Variants in TSGA10IP observed in about 807,000 individuals in gnomAD.
TSGA10IP encodes testis-specific protein 10-interacting protein.
A neutral mutation model predicts 63.2 loss-of-function variants in TSGA10IP; 64 were observed. The ratio of observed to expected loss-of-function variants is 1.01; its 90% confidence interval spans 0.83 to 1.25. The LOEUF is 1.25. Ranked by LOEUF, TSGA10IP falls within the 50% of genes most tolerant of loss-of-function variation. TSGA10IP has a pLI of 0.00. For missense variants in TSGA10IP, 681 were observed against 710.1 expected (o/e 0.96, Z 0.47); for synonymous variants, 316 against 298.3 (o/e 1.06, Z -0.61).
intron 3 of TSGA10IP, 83 bp downstream of exon 3, chr11:65,947,911 C>T (rs1258956327): frequency 1.3e-6 from 2 of 1,507,192 alleles, no homozygotes; most frequent in Non-Finnish European, 8.9e-7. Flanking sequence ...GGGGCTCAGG[C>T]AGGCTGGGCT....
intron 2 of TSGA10IP, 35 bp downstream of exon 2, chr11:65,947,051 G>A: frequency 6.2e-7 from 1 of 1,612,434 alleles, no homozygotes; most frequent in Non-Finnish European, 8.5e-7. Flanking sequence ...GAGGCTGTTG[G>A]GGGTCAGGGC....
rs770922079 is a variant in TSGA10IP at position 65,945,803 on chromosome 11, C to T, written c.128C>T (p.Thr43Ile). The change falls in exon 1 of 8, where the codon ACC becomes ATC. Residue 43 changes from threonine (T) to isoleucine (I), a missense_variant. Coordinates refer to ENST00000532620, the Ensembl canonical transcript of TSGA10IP. ...ACGGGGCTGCTCAAGCTGCTGTCGA[C>T]CGTCTCTCAGGACAAGCAGGTGAGG... 6.2e-6 allele frequency: 10 copies of T among 1,613,816 alleles called. No homozygotes were observed. The Admixed American group carries it at 1.2e-4, about 19-fold the overall frequency.
chr11:65,953,321 G>A (rs557553396), intron 4 of TSGA10IP, among the ~76,000 whole-genome samples: 14 of 152,236 alleles, frequency 9.2e-5, no homozygotes, highest in South Asian at 8.3e-4. Context: ...ATGAACCACC[G>A]TGCCTGGCCT....
chr11:65,954,096 T>C (rs917660969), intron 5 of TSGA10IP, among the ~76,000 whole-genome samples: 4 of 152,048 alleles, frequency 2.6e-5, no homozygotes, highest in Non-Finnish European at 5.9e-5. Flanking sequence ...GACCCCACTC[T>C]GGGAGACAAC....
exon 1 of TSGA10IP, chr11:65,945,551 T>A: frequency 9.3e-7 from 1 of 1,078,770 alleles, no homozygotes; most frequent in South Asian, 1.6e-5. Context: ...GAGATTGGCC[T>A]CACATACCCC....
At chr11:65,947,354 G>T (rs763150312) in exon 3 of TSGA10IP, 1 of 1,611,942 alleles carries the variant, frequency 6.2e-7, no homozygotes, top group Admixed American at 1.7e-5. Flanking sequence ...GCAGCTGGGA[G>T]CCTGGGGCGG....
chr11:65,949,850 G>GTT (rs377116599), intron 4 of TSGA10IP, among the ~76,000 whole-genome samples: 20,631 of 101,716 alleles, frequency 0.2, 4,100 homozygotes, highest in East Asian at 0.36. Flanking sequence ...CATTACCTCG[G>GTT]TTTTTTTTTT....
chr11:65,955,938 T>C (rs1855016539), intron 5 of TSGA10IP, among the ~76,000 whole-genome samples: 1 of 152,112 alleles, frequency 6.6e-6, no homozygotes, highest in Non-Finnish European at 1.5e-5. Context: ...ATGACACATG[T>C]AACACAAATA....
Position 65,949,627 on chromosome 11 carries a change from G to C in TSGA10IP, c.1151+1479G>C, listed in dbSNP as rs367892522. 1.1e-3 allele frequency among the ~76,000 whole-genome samples: 173 copies of C among 152,020 alleles called. 4 individuals carry two copies. In the East Asian group the frequency reaches 0.025, roughly 22 times the overall value. Reference sequence around the variant, plus strand: ...AGACGGGGTTTTACTATGTTGGCCAGGCTGGTCTTGAACTCCTGACCTCGT... The same window carrying C: ...AGACGGGGTTTTACTATGTTGGCCACGCTGGTCTTGAACTCCTGACCTCGT... On this transcript the variant is annotated intron_variant, in intron 4 of 7. Transcript: ENST00000532620.
intron 5 of TSGA10IP, among the ~76,000 whole-genome samples, chr11:65,958,596 C>T (rs1855064253): frequency 6.6e-6 from 1 of 152,208 alleles, no homozygotes; most frequent in African/African-American, 2.4e-5. Context: ...GGGGCTGGCA[C>T]AGGAGGATGG....
chr11:65,953,789 T>C, intron 5 of TSGA10IP, 52 bp downstream of exon 5: 1 of 1,404,930 alleles, frequency 7.1e-7, no homozygotes, highest in South Asian at 1.5e-5. Flanking sequence ...AGGGAGGCCG[T>C]GTCAGGTCTC....
chr11:65,954,771 T>C (rs1192283393), intron 5 of TSGA10IP, among the ~76,000 whole-genome samples: 10 of 150,070 alleles, frequency 6.7e-5, no homozygotes, highest in Admixed American at 2.7e-4. Flanking sequence ...TGAGCCGAAA[T>C]TGAGCCACTA....
rs1854855501 is a variant in TSGA10IP at position 65,947,351 on chromosome 11, G to T, written c.526G>T (p.Gly176Ter). The T allele has an allele frequency of 6.2e-7, 1 of 1,611,852 alleles. No individual in the cohort carries two copies. The highest frequency in any genetic ancestry group is 1.1e-5 in the South Asian group (1 of 90,818). The stretch of plus-strand genomic sequence containing the variant: ...AAACCTGAAGGCGAGACAGCAGCTG[G>T]GAGCCTGGGGCGGTGTCTCCATCCC... Residue 176 changes from glycine (G) to a stop codon, truncating the protein, a stop_gained, in exon 3 of 8, where the codon GGA (glycine) becomes TGA (stop). Transcript: ENST00000532620. LOFTEE classifies it high-confidence loss of function.
intron 5 of TSGA10IP, among the ~76,000 whole-genome samples, chr11:65,955,131 GCTCC>G (rs938557404): frequency 2.0e-5 from 3 of 152,180 alleles, no homozygotes; most frequent in Non-Finnish European, 2.9e-5. Context: ...GAAGTCCTTA[GCTCC>G]CTCCAAGGCA....
intron 5 of TSGA10IP, among the ~76,000 whole-genome samples, chr11:65,955,851 T>C (rs1344032168): frequency 2.0e-5 from 3 of 152,164 alleles, no homozygotes; most frequent in African/African-American, 7.2e-5. Flanking sequence ...CCAGCCACGA[T>C]GCTGCCCTGC....
At chr11:65,950,035 T>C (rs185473014) in intron 4 of TSGA10IP, among the ~76,000 whole-genome samples, 16 of 151,442 alleles carry the variant, frequency 1.1e-4, no homozygotes, top group African/African-American at 3.9e-4. Context: ...GTATTTTTAA[T>C]AGAGATGGGG....
intron 5 of TSGA10IP, among the ~76,000 whole-genome samples, chr11:65,956,428 C>T (rs372693663): frequency 3.9e-5 from 6 of 151,992 alleles, no homozygotes; most frequent in Admixed American, 6.5e-5. Context: ...TGAGCCACCG[C>T]GCCCGGCCGA....
chr11:65,947,979 G>T, intron 3 of TSGA10IP, 22 bp from the exon 4 acceptor site: 1 of 1,552,662 alleles, frequency 6.4e-7, no homozygotes, highest in South Asian at 1.2e-5. Context: ...GGCAGCCCCT[G>T]ACTTGGTCCC....
chr11:65,945,863 C>T, intron 1 of TSGA10IP, 41 bp downstream of exon 1: 1 of 1,601,864 alleles, frequency 6.2e-7, no homozygotes. Context: ...CTGCCTAGAG[C>T]CAGGTGGGTC....
Sources: gnomAD v4.1 joint callset for allele counts (sites outside exome capture counted in the v4.1 genomes callset) on GRCh38, gnomAD v4.1.1 for gene constraint, MANE v1.5 for transcripts, NCBI Gene and HGNC (gene_info 2026-07-23, HGNC 2026-07-21) for gene names.